The following NFYA variants were observed in gnomAD, a reference collection of about 807,000 sequenced individuals.
NFYA encodes nuclear transcription factor Y subunit alpha, also known as CAAT-box DNA binding protein subunit A.
In NFYA, 28 loss-of-function variants were observed where a neutral mutation model predicts 52.8. That is an observed-to-expected ratio of 0.53 (90% CI 0.39 to 0.73). The LOEUF is 0.73. Among genes scored for constraint, NFYA ranks in the 30% least tolerant of loss-of-function variants. The probability of loss-of-function intolerance (pLI) is 0.00; values close to 1 mark genes in which losing one functional copy is unlikely to be tolerated. For synonymous variants in NFYA, 150 were observed against 150.7 expected (o/e 1.00, Z 0.03); for missense variants, 234 against 427.0 (o/e 0.55, Z 3.98).
intron 9 of NFYA, among the ~76,000 whole-genome samples, chr6:41,096,143 C>T (rs926284571): frequency 6.6e-6 from 1 of 152,140 alleles, no homozygotes; most frequent in Non-Finnish European, 1.5e-5. Context: ...TAATAGTTCT[C>T]ATTTCTTAAC....
chr6:41,090,221 T>G lies in NFYA; in HGVS notation c.459T>G (p.Ala153=). 1.2e-6 allele frequency: 2 copies of G among 1,613,204 alleles called. 1 individual carries two copies. The highest frequency in any genetic ancestry group is 3.3e-5 in the Admixed American group (2 of 59,994). The change falls in exon 6 of 10, where the codon GCT becomes GCG. Residue 153 remains alanine, a synonymous_variant. Transcript: ENST00000341376. The part of the protein sequence containing the change: ...AGQTQTQQQI[A]VQGQQVAQTA... The stretch of plus-strand genomic sequence containing the variant: ...TCCTCCAGACACAGCAGCAGATTGC[T>G]GTCCAGGGACAGCAAGTGGCACAGA...
At chr6:41,091,385 G>A (rs901970277) in intron 6 of NFYA, 143 bp from the exon 7 acceptor site, 3 of 708,650 alleles carry the variant, frequency 4.2e-6, no homozygotes, top group Non-Finnish European at 6.9e-6. Context: ...CAGTGGGAGA[G>A]TACTTTTTCT....
At position 41,079,035 on chromosome 6, in the gene NFYA, A is replaced by G; in HGVS notation, c.-55A>G. The G allele has an allele frequency of 6.5e-7, 1 of 1,533,766 alleles. No homozygotes were observed. Among genetic ancestry groups the G allele is most frequent in the Non-Finnish European group, 9.0e-7 (1 of 1,110,022 alleles). ...TTCCCCACCTTTCTAACAGGAGTGTACCTCACAGCCTTCTAGGATCTCCAG... is the reference window on the plus strand; with the variant it reads ...TTCCCCACCTTTCTAACAGGAGTGTGCCTCACAGCCTTCTAGGATCTCCAG... On this transcript the variant is annotated 5_prime_UTR_variant, in exon 2 of 10. Coordinates refer to ENST00000341376, the MANE Select transcript of NFYA (RefSeq NM_002505.5).
At position 41,073,284 on chromosome 6, in the gene NFYA, G is replaced by C. The variant is rs368917019; in HGVS notation, c.-62+200G>C. ...GGCACTCCCGGCCGAGGCCTGCAGG[G>C]GCCGCCCCGCGCGGGGATGGCGCCT... On this transcript the variant is annotated intron_variant, in intron 1 of 9. Coordinates refer to ENST00000341376, the MANE Select transcript of NFYA (RefSeq NM_002505.5). 1.2e-3 allele frequency among the ~76,000 whole-genome samples: 175 copies of C among 151,706 alleles called. 5 individuals carry two copies. In the South Asian group the frequency reaches 0.033, roughly 29 times the overall value.
rs138346710 is a variant in NFYA, at chr6:41,096,192, C to T, written c.991-1165C>T. 4.7e-3 allele frequency among the ~76,000 whole-genome samples: 711 copies of T among 152,298 alleles called. 5 individuals carry two copies. Among genetic ancestry groups the T allele is most frequent in the African/African-American group, 0.016 (678 of 41,554 alleles). On this transcript the variant is annotated intron_variant, in intron 9 of 9. Coordinates refer to ENST00000341376, the MANE Select transcript of NFYA (RefSeq NM_002505.5). ...AAACTATTTCTGTATAACATCTAAG[C>T]AACTTTGCCTTATCACCCCCTCAAC...
At chr6:41,087,346 G>GT (rs967412595) in intron 4 of NFYA, among the ~76,000 whole-genome samples, 7 of 152,086 alleles carry the variant, frequency 4.6e-5, no homozygotes, top group Non-Finnish European at 7.4e-5. Context: ...CCATTGACCT[G>GT]TTTTTTTCAC....
rs528080188 is a variant in NFYA, at chr6:41,076,908, A to C, written c.-61-2121A>C. ...AGTATCAATATCATGATACAGGCTA[A>C]ATCACTCTGTCATTAATGTGAGAGA... On this transcript the variant is annotated intron_variant, in intron 1 of 9. Coordinates refer to ENST00000341376, the MANE Select transcript of NFYA (RefSeq NM_002505.5). Among the ~76,000 whole-genome samples the C allele has an allele frequency of 2.2e-4, 34 of 152,346 alleles. No homozygotes were observed. In the South Asian group the frequency reaches 3.9e-3, roughly 18 times the overall value.
At chr6:41,077,478 TA>T (rs1265823600) in intron 1 of NFYA, among the ~76,000 whole-genome samples, 7 of 152,340 alleles carry the variant, frequency 4.6e-5, no homozygotes, top group Admixed American at 4.6e-4. Context: ...AGATTTTATA[TA>T]AATGGAATCA....
chr6:41,073,459 G>T (rs1412516992), intron 1 of NFYA, among the ~76,000 whole-genome samples: 3 of 152,002 alleles, frequency 2.0e-5, no homozygotes, highest in African/African-American at 7.2e-5. Flanking sequence ...GCGCGCCCTG[G>T]GCCTCGGCGA....
intron 3 of NFYA, 72 bp downstream of exon 3, chr6:41,080,969 TTAGGATCTCCAG>T: frequency 7.9e-7 from 1 of 1,259,282 alleles, no homozygotes; most frequent in South Asian, 1.2e-5. Flanking sequence ...GCTGTTTGTG[TTAGGATCTCCAG>T]TAGGAATGGC....
chr6:41,095,677 C>T (rs1385434464), intron 9 of NFYA, among the ~76,000 whole-genome samples: 1 of 152,208 alleles, frequency 6.6e-6, no homozygotes, highest in Non-Finnish European at 1.5e-5. Flanking sequence ...GCGATCCTCT[C>T]GCCTTGGCCT....
chr6:41,089,632 G>C lies in NFYA; in HGVS notation c.363G>C (p.Gln121His). 1.9e-6 allele frequency: 3 copies of C among 1,612,752 alleles called. No individual in the cohort carries two copies. Among genetic ancestry groups the C allele is most frequent in the African/African-American group, 1.3e-5 (1 of 75,000 alleles). ...QIQIQGGQAVQVQGQQGQTQQ... is the reference protein window; with the variant it reads ...QIQIQGGQAVHVQGQQGQTQQ... ...AGATCCAGGGTGGACAGGCTGTGCA[G>C]GTGCAGGGCCAGCAGGGCCAGACCC... The change falls in exon 5 of 10, where the codon CAG becomes CAC. Residue 121 changes from glutamine (Q) to histidine (H), a missense_variant. By Grantham distance (24) the Gln-to-His change is conservative. Coordinates refer to ENST00000341376, the MANE Select transcript of NFYA (RefSeq NM_002505.5).
chr6:41,089,737 G>T, intron 5 of NFYA, 27 bp downstream of exon 5: 1 of 1,604,462 alleles, frequency 6.2e-7, no homozygotes, highest in South Asian at 1.1e-5. Flanking sequence ...TGTCACACAG[G>T]AGCAAAACTG....
chr6:41,096,393 T>C (rs901149573), intron 9 of NFYA, among the ~76,000 whole-genome samples: 4 of 152,232 alleles, frequency 2.6e-5, no homozygotes, highest in East Asian at 1.9e-4. Flanking sequence ...CCAGGAACTC[T>C]CCTCATTCTG....
chr6:41,079,075 T>C lies in NFYA; in HGVS notation c.-15T>C, dbSNP rs762311703. On this transcript the variant is annotated 5_prime_UTR_variant, in exon 2 of 10. Coordinates refer to ENST00000341376, the MANE Select transcript of NFYA (RefSeq NM_002505.5). ...AGGATCTCCAGAGTGGACAGGAATC[T>C]CACTTGGAGGGACCATGGAGCAGTA... 6.2e-7 allele frequency: 1 copy of C among 1,612,754 alleles called. No individual in the cohort carries two copies. The highest frequency in any genetic ancestry group is 1.1e-5 in the South Asian group (1 of 90,942).
chr6:41,095,135 A>C (rs986870298), intron 9 of NFYA, among the ~76,000 whole-genome samples: 1 of 152,094 alleles, frequency 6.6e-6, no homozygotes, highest in Non-Finnish European at 1.5e-5. Flanking sequence ...TGTTTATCCT[A>C]TCAAGTCCCT....
intron 1 of NFYA, 104 bp from the exon 2 acceptor site, chr6:41,078,925 G>A (rs1763829271): frequency 1.8e-6 from 1 of 560,608 alleles, no homozygotes; most frequent in Non-Finnish European, 3.2e-6. Context: ...CTCCTATCCT[G>A]TTTTCTTGCA....
rs576197472 is a variant in NFYA, at chr6:41,091,500, GTTTGT to G, written c.548-24_548-20del. 5.5e-4 allele frequency: 881 copies of G among 1,608,050 alleles called. 16 individuals carry two copies. In the South Asian group the frequency reaches 9.4e-3, roughly 17 times the overall value. On this transcript the variant is annotated intron_variant, in intron 6 of 9. Transcript: ENST00000341376. ...TTTCTGTTCTGTGTGCCTGTTTTTTGTTTGTTTTATGTTTTGTTTTCTTAAAGTTA... is the reference window on the plus strand; with the variant it reads ...TTTCTGTTCTGTGTGCCTGTTTTTTGTTTATGTTTTGTTTTCTTAAAGTTA...
In NFYA at chr6:41,097,514, C is replaced by G; in HGVS notation, c.*104C>G. ...ATTGATGATCACATTCTGCCCTTTACTACAGGACAGAAACCACTTAGTTTT... is the reference window on the plus strand; with the variant it reads ...ATTGATGATCACATTCTGCCCTTTAGTACAGGACAGAAACCACTTAGTTTT... On this transcript the variant is annotated 3_prime_UTR_variant, in exon 10 of 10. Transcript: ENST00000341376. The G allele has an allele frequency of 8.2e-7, 1 of 1,224,396 alleles. No homozygotes were observed. Among genetic ancestry groups the G allele is most frequent in the Non-Finnish European group, 1.2e-6 (1 of 848,428 alleles). The allele number at this position is 1,224,396 out of a possible 1,614,324, so 75.8% of individuals were successfully genotyped here.
Sources: gnomAD v4.1 joint callset for allele counts (sites outside exome capture counted in the v4.1 genomes callset) on GRCh38, gnomAD v4.1.1 for gene constraint, MANE v1.5 for transcripts, NCBI Gene and HGNC (gene_info 2026-07-23, HGNC 2026-07-21) for gene names.